Variants in FAF1 observed in about 807,000 individuals in gnomAD.
The protein encoded by FAF1 is FAS-associated factor 1.
A neutral mutation model predicts 92.5 loss-of-function variants in FAF1; 25 were observed. The ratio of observed to expected loss-of-function variants is 0.27; its 90% CI spans 0.20 to 0.38. The LOEUF (loss-of-function observed/expected upper bound fraction) is 0.38, where lower values mean the gene tolerates loss of function less well. FAF1 is among the 10% of genes least tolerant of loss of function. The pLI, the probability that FAF1 is intolerant of heterozygous loss-of-function variation, is 1.00. For synonymous variants in FAF1, 234 were observed against 273.2 expected (o/e 0.86, Z 1.42); for missense variants, 636 against 793.3 (o/e 0.80, Z 2.38).
At chr1:50,858,425 G>T (rs551102660) in intron 1 of FAF1, among the ~76,000 whole-genome samples, 1 of 151,784 alleles carries the variant, frequency 6.6e-6, no homozygotes, top group Non-Finnish European at 1.5e-5. Flanking sequence ...TATAAAACTA[G>T]ATCTGTGCTG....
chr1:50,596,420 A>T (rs529016747), intron 8 of FAF1, among the ~76,000 whole-genome samples: 1 of 152,340 alleles, frequency 6.6e-6, no homozygotes, highest in East Asian at 1.9e-4. Context: ...GCTAATTTTC[A>T]TTAGATGATA....
chr1:50,505,224 T>C (rs1252274081), intron 15 of FAF1, among the ~76,000 whole-genome samples: 1 of 152,112 alleles, frequency 6.6e-6, no homozygotes, highest in Non-Finnish European at 1.5e-5. Flanking sequence ...AGTCAGGAGT[T>C]TGGAAGACAA....
At chr1:50,952,980 A>G (rs765318151) in intron 1 of FAF1, among the ~76,000 whole-genome samples, 119 of 152,358 alleles carry the variant, frequency 7.8e-4, no homozygotes, top group Non-Finnish European at 1.1e-3. Flanking sequence ...AAAGAAAGAG[A>G]GATGGGATTG....
chr1:50,507,004 G>C (rs1647067330), intron 15 of FAF1, among the ~76,000 whole-genome samples: 1 of 152,178 alleles, frequency 6.6e-6, no homozygotes, highest in African/African-American at 2.4e-5. Context: ...GGAGGAATGG[G>C]AATGGGAATG....
rs1476555187 is a variant in FAF1 at position 50,865,448 on chromosome 1, A to T, written c.46-7451T>A. On this transcript the variant is annotated intron_variant, in intron 1 of 18. Transcript: ENST00000396153. ...GACTTGGAACCAACCCAAATGTCCA[A>T]CAATGATAGACTGGATTAAGAAAAT... Among the ~76,000 whole-genome samples the T allele has an allele frequency of 2.7e-5, 4 of 146,368 alleles. No homozygotes were observed. The East Asian group carries it at 6.0e-4, about 22-fold the overall frequency.
intron 2 of FAF1, among the ~76,000 whole-genome samples, chr1:50,827,232 TTGTC>T (rs1268919336): frequency 6.6e-6 from 1 of 152,144 alleles, no homozygotes; most frequent in Non-Finnish European, 1.5e-5. Flanking sequence ...GATTGTTACT[TTGTC>T]TGTGTAGAAA....
At chr1:50,523,211 T>C (rs984924036) in intron 15 of FAF1, among the ~76,000 whole-genome samples, 5 of 152,238 alleles carry the variant, frequency 3.3e-5, no homozygotes, top group Admixed American at 6.5e-5. Flanking sequence ...TTATGAATAA[T>C]GATGCAATGA....
At chr1:50,568,814 T>G (rs1380674151) in intron 12 of FAF1, among the ~76,000 whole-genome samples, 5 of 152,144 alleles carry the variant, frequency 3.3e-5, no homozygotes. Context: ...TCAAGGCTTA[T>G]GGAAGCACTC....
intron 13 of FAF1, among the ~76,000 whole-genome samples, chr1:50,548,993 G>C (rs1447825538): frequency 2.0e-5 from 3 of 152,090 alleles, no homozygotes; most frequent in Admixed American, 6.5e-5. Context: ...CTTTTTGTGT[G>C]CTTCAGAGTC....
intron 5 of FAF1, among the ~76,000 whole-genome samples, chr1:50,740,227 G>A (rs1054663121): frequency 6.6e-6 from 1 of 152,096 alleles, no homozygotes; most frequent in African/African-American, 2.4e-5. Flanking sequence ...GGGAAGGGGG[G>A]ATAAAGAATG....
At chr1:50,697,001 A>G (rs1017697555) in intron 7 of FAF1, among the ~76,000 whole-genome samples, 1 of 152,240 alleles carries the variant, frequency 6.6e-6, no homozygotes, top group Non-Finnish European at 1.5e-5. Flanking sequence ...GCAGACAAAT[A>G]TTTGGCCCTG....
At chr1:50,701,895 G>A (rs1286513397) in intron 7 of FAF1, among the ~76,000 whole-genome samples, 2 of 152,010 alleles carry the variant, frequency 1.3e-5, no homozygotes, top group African/African-American at 4.8e-5. Flanking sequence ...AATAAGAACA[G>A]TGAGATTTCT....
At chr1:50,902,575 A>T (rs1644804277) in intron 1 of FAF1, among the ~76,000 whole-genome samples, 1 of 152,174 alleles carries the variant, frequency 6.6e-6, no homozygotes, top group Non-Finnish European at 1.5e-5. Flanking sequence ...CTTTATTCAA[A>T]GTCACACAAA....
At chr1:50,944,099 G>T (rs539107785) in intron 1 of FAF1, among the ~76,000 whole-genome samples, 10 of 152,218 alleles carry the variant, frequency 6.6e-5, no homozygotes, top group Admixed American at 5.2e-4. Flanking sequence ...CACAGAATCT[G>T]AGTGAAGTTG....
chr1:50,766,080 GAA>G lies in FAF1; in HGVS notation c.368-21307_368-21306del, dbSNP rs1043281512. Among the ~76,000 whole-genome samples, 126 of 151,826 alleles carry G rather than the reference GAA, an allele frequency of 8.3e-4. 1 individual carries two copies. Among genetic ancestry groups the G allele is most frequent in the African/African-American group, 2.9e-3 (118 of 41,396 alleles). ...GCACTCCAGCCTGGGCGACAAGAAC[GAA>G]ACTCTGTCTCAAAAAAAAAAGTAAA... On this transcript the variant is annotated intron_variant, in intron 4 of 18. Transcript: ENST00000396153.
intron 16 of FAF1, among the ~76,000 whole-genome samples, chr1:50,491,316 T>G (rs1344856114): frequency 3.9e-5 from 6 of 152,208 alleles, no homozygotes; most frequent in Non-Finnish European, 7.3e-5. Context: ...AAACTTCCTT[T>G]GAGAGCAGAA....
At chr1:50,870,176 G>A (rs1332468613) in intron 1 of FAF1, among the ~76,000 whole-genome samples, 1 of 152,184 alleles carries the variant, frequency 6.6e-6, no homozygotes, top group African/African-American at 2.4e-5. Flanking sequence ...AATTGAAGGG[G>A]CCGGGCACAT....
intron 1 of FAF1, among the ~76,000 whole-genome samples, chr1:50,956,126 TTAAAATGGC>T (rs1422098634): frequency 6.6e-6 from 1 of 152,218 alleles, no homozygotes; most frequent in African/African-American, 2.4e-5. Context: ...CATTAAGACT[TTAAAATGGC>T]TAAAATGGTA....
intron 6 of FAF1, among the ~76,000 whole-genome samples, chr1:50,732,221 C>T (rs1438493546): frequency 1.3e-5 from 2 of 152,048 alleles, no homozygotes. Flanking sequence ...ACTACAGGCG[C>T]CCGCCACCAC....
Sources: allele counts gnomAD v4.1 joint callset (sites outside exome capture counted in the v4.1 genomes callset), GRCh38; gene constraint gnomAD v4.1.1; transcripts MANE v1.5; gene names NCBI Gene and HGNC (gene_info 2026-07-23, HGNC 2026-07-21).